Variants in MAPK10 observed in about 807,000 individuals in gnomAD.
MAPK10 encodes the protein JNK3 alpha protein kinase.
A neutral mutation model predicts 59.3 loss-of-function variants in MAPK10; 25 were observed. The observed-to-expected ratio is 0.42, with a 90% CI of 0.31 to 0.59. The LOEUF (loss-of-function observed/expected upper bound fraction) is 0.59. MAPK10 is among the 20% of genes least tolerant of loss of function. MAPK10 has a pLI of 0.15. For missense variants in MAPK10, 351 were observed against 568.9 expected, an observed-to-expected ratio of 0.62 and a Z score of 3.90; for synonymous variants, 190 against 200.5, an observed-to-expected ratio of 0.95 and a Z score of 0.44.
Position 86,188,077 on chromosome 4 carries a change from A to C in MAPK10, c.66+6259T>G, listed in dbSNP as rs142801639. Among the ~76,000 whole-genome samples the C allele has an allele frequency of 7.6e-3, 1,150 of 152,046 alleles. 14 individuals are homozygous for C. The highest frequency in any genetic ancestry group is 0.026 in the African/African-American group (1,093 of 41,468). On this transcript the variant is annotated intron_variant, in intron 3 of 13. Transcript: ENST00000641462. ...ATCCATGTCCCTGCAAAGGACATGA[A>C]CTCATCCTTTTTATGGCTGCGTAGT...
chr4:86,287,307 A>T (rs2095051500), intron 2 of MAPK10, among the ~76,000 whole-genome samples: 1 of 152,308 alleles, frequency 6.6e-6, no homozygotes, highest in Non-Finnish European at 1.5e-5. Flanking sequence ...TCTAGTTTTC[A>T]GTTTTCTAAG....
At chr4:86,406,525 G>A (rs996779918) in intron 1 of MAPK10, among the ~76,000 whole-genome samples, 1 of 152,190 alleles carries the variant, frequency 6.6e-6, no homozygotes, top group Non-Finnish European at 1.5e-5. Flanking sequence ...CCAGGTATTA[G>A]TGGGAATCAG....
intron 2 of MAPK10, among the ~76,000 whole-genome samples, chr4:86,228,867 G>A (rs932570935): frequency 6.6e-6 from 1 of 152,084 alleles, no homozygotes; most frequent in African/African-American, 2.4e-5. Flanking sequence ...TCCTTCATGA[G>A]CAACAATGAC....
rs886059678 is a variant in MAPK10 at position 86,354,590 on chromosome 4, A to C, written c.-67T>G. The C allele has an allele frequency of 1.5e-5, 18 of 1,231,418 alleles. No individual in the cohort carries two copies. The East Asian group carries it at 5.7e-4, about 39-fold the overall frequency. 76.3% of individuals were successfully genotyped at this position (1,231,418 alleles called of 1,614,324 possible). A position where few individuals can be genotyped will look rare whatever the true frequency, so the allele number is the denominator to read the frequency against. On this transcript the variant is annotated 5_prime_UTR_variant, in exon 2 of 14. Coordinates refer to ENST00000641462, the MANE Select transcript of MAPK10 (RefSeq NM_138982.4). ...GTCTAATTCAACAGTTTCTTGCATA[A>C]GTTGCCATAGTGAAGATCTGAGATG... is the stretch of plus-strand genomic sequence containing the variant.
chr4:86,282,769 C>A (rs1460542583), intron 2 of MAPK10, among the ~76,000 whole-genome samples: 1 of 152,140 alleles, frequency 6.6e-6, no homozygotes, highest in South Asian at 2.1e-4. Context: ...TTTCCTGAGG[C>A]TTCAGAGGCA....
chr4:86,141,179 C>T (rs985565124), intron 4 of MAPK10, among the ~76,000 whole-genome samples: 6 of 152,162 alleles, frequency 3.9e-5, no homozygotes, highest in African/African-American at 1.4e-4. Context: ...CCACAACATA[C>T]AAGTCAAGCT....
chr4:86,573,726 C>T (rs888990463), intron 1 of MAPK10, among the ~76,000 whole-genome samples: 1 of 152,110 alleles, frequency 6.6e-6, no homozygotes, highest in South Asian at 2.1e-4. Flanking sequence ...CGTGATATGT[C>T]TCTCCACTTA....
chr4:86,407,637 C>T (rs901995333), intron 1 of MAPK10, among the ~76,000 whole-genome samples: 24 of 151,800 alleles, frequency 1.6e-4, no homozygotes, highest in Admixed American at 1.6e-3. Context: ...CCAGTCTGAG[C>T]ACATAGTAGG....
At chr4:86,504,610 C>A (rs1412815710) in intron 1 of MAPK10, among the ~76,000 whole-genome samples, 1 of 152,120 alleles carries the variant, frequency 6.6e-6, no homozygotes, top group African/African-American at 2.4e-5. Context: ...CAAACGAAAC[C>A]ACTGCCTTTT....
chr4:86,348,581 T>C (rs1299096822), intron 2 of MAPK10, among the ~76,000 whole-genome samples: 1 of 152,164 alleles, frequency 6.6e-6, no homozygotes, highest in Non-Finnish European at 1.5e-5. Context: ...AAGCTCTTCA[T>C]ACTTGGTCAA....
At chr4:86,169,186 C>T (rs1395713620) in intron 3 of MAPK10, among the ~76,000 whole-genome samples, 11 of 152,240 alleles carry the variant, frequency 7.2e-5, no homozygotes, top group Non-Finnish European at 1.5e-4. Flanking sequence ...CACAGTTCCT[C>T]ACCAGCAACA....
rs111400449 is a variant in MAPK10 at position 86,288,353 on chromosome 4, T to C, written c.-7+66177A>G. 6.6e-3 allele frequency among the ~76,000 whole-genome samples: 736 copies of C among 111,616 alleles called. 9 individuals are homozygous for C. The highest frequency in any genetic ancestry group is 0.024 in the African/African-American group (692 of 28,724). 73.2% of individuals were successfully genotyped at this position (111,616 alleles called of 152,430 possible). A position where few individuals can be genotyped will look rare whatever the true frequency, so the allele number is the denominator to read the frequency against. On this transcript the variant is annotated intron_variant, in intron 2 of 13. Transcript: ENST00000641462. ...CCCCACCCCACAACAGTCCCCAGAGTGATCACTAATGTTGAACTCTATGAA... is the reference window on the plus strand; with the variant it reads ...CCCCACCCCACAACAGTCCCCAGAGCGATCACTAATGTTGAACTCTATGAA...
At chr4:86,026,887 T>C (rs1357245162) in intron 13 of MAPK10, 1 of 152,154 alleles carries the variant, frequency 6.6e-6, no homozygotes, top group Non-Finnish European at 1.5e-5. Flanking sequence ...ATTTAACAAT[T>C]GGCTCTGCAG....
At chr4:86,301,647 T>G (rs1158616336) in intron 2 of MAPK10, among the ~76,000 whole-genome samples, 1 of 152,174 alleles carries the variant, frequency 6.6e-6, no homozygotes, top group Non-Finnish European at 1.5e-5. Flanking sequence ...ATTTAATTCA[T>G]CAAATATTTA....
chr4:86,202,715 T>C (rs2082916677), intron 2 of MAPK10, among the ~76,000 whole-genome samples: 1 of 151,890 alleles, frequency 6.6e-6, no homozygotes, highest in Non-Finnish European at 1.5e-5. Flanking sequence ...ATGTGGGAAA[T>C]AATAACATCC....
At chr4:86,275,470 T>C (rs1366526630) in intron 2 of MAPK10, among the ~76,000 whole-genome samples, 1 of 152,060 alleles carries the variant, frequency 6.6e-6, no homozygotes, top group East Asian at 1.9e-4. Context: ...TAAAATCATA[T>C]TTTATCAACG....
At chr4:86,131,033 A>G (rs1432676197) in intron 4 of MAPK10, among the ~76,000 whole-genome samples, 1 of 152,184 alleles carries the variant, frequency 6.6e-6, no homozygotes, top group African/African-American at 2.4e-5. Context: ...ATAGATCATA[A>G]TATAAGGCAC....
At position 86,214,525 on chromosome 4, in the gene MAPK10, A is replaced by C. The variant is rs9997175; in HGVS notation, c.-6-20118T>G. 1.8e-3 allele frequency among the ~76,000 whole-genome samples: 263 copies of C among 146,502 alleles called. 1 individual carries two copies. Among genetic ancestry groups the C allele is most frequent in the African/African-American group, 6.8e-3 (254 of 37,110 alleles). ...TTAAGATTCCTTAAAAAAAAAAAAA[A>C]AAAAAAAAAACTGTTAGAACTGATA... On this transcript the variant is annotated intron_variant, in intron 2 of 13. Transcript: ENST00000641462.
At chr4:86,380,234 AAAAC>A (rs974361876) in intron 1 of MAPK10, among the ~76,000 whole-genome samples, 2 of 152,052 alleles carry the variant, frequency 1.3e-5, no homozygotes, top group South Asian at 2.1e-4. Context: ...AAAAAGAACA[AAAAC>A]AAACAAACAA....
Sources: allele counts gnomAD v4.1 joint callset (sites outside exome capture counted in the v4.1 genomes callset), GRCh38; gene constraint gnomAD v4.1.1; transcripts MANE v1.5; gene names NCBI Gene and HGNC (gene_info 2026-07-23, HGNC 2026-07-21).